The following PRR5 variants were observed in gnomAD, a reference collection of about 807,000 sequenced individuals.
The protein encoded by PRR5 is proline rich 5, also known as proline-rich protein 5.
A neutral mutation model predicts 30.6 loss-of-function variants in PRR5; 25 were observed. That is an observed-to-expected ratio of 0.82 (90% confidence interval 0.60 to 1.14). The LOEUF (loss-of-function observed/expected upper bound fraction) is 1.14. Ranked by LOEUF, PRR5 falls within the 50% of genes most tolerant of loss-of-function variation. The probability of loss-of-function intolerance (pLI) is 0.00; values close to 1 mark genes in which losing one functional copy is unlikely to be tolerated. For missense variants in PRR5, 600 were observed against 547.1 expected (o/e 1.10, Z -0.96); for synonymous variants, 286 against 247.1 (o/e 1.16, Z -1.48).
intron 1 of PRR5, among the ~76,000 whole-genome samples, chr22:44,690,544 G>A (rs1925146711): frequency 6.6e-6 from 1 of 152,118 alleles, no homozygotes; most frequent in Admixed American, 6.6e-5. Flanking sequence ...TTTAGAGCCT[G>A]TGGTTACCCA....
chr22:44,675,404 T>C (rs1252031381), upstream of PRR5, among the ~76,000 whole-genome samples: 1 of 152,212 alleles, frequency 6.6e-6, no homozygotes, highest in Non-Finnish European at 1.5e-5. Context: ...GTTCTGCTTT[T>C]TTCACTCGGT....
chr22:44,670,577 A>T (rs538914478), intron 1 of PRR5, among the ~76,000 whole-genome samples: 1 of 152,196 alleles, frequency 6.6e-6, no homozygotes, highest in Non-Finnish European at 1.5e-5. Flanking sequence ...CGGCCGTGAG[A>T]AGGGCTGGCA....
intron 1 of PRR5, 40 bp downstream of exon 1, chr22:44,702,648 C>G: frequency 7.9e-7 from 1 of 1,263,218 alleles, no homozygotes; most frequent in Non-Finnish European, 1.0e-6. Context: ...GGCCCTGGAG[C>G]CGGGGGAGGG....
chr22:44,690,419 G>A (rs999235578), intron 1 of PRR5, among the ~76,000 whole-genome samples: 1 of 152,202 alleles, frequency 6.6e-6, no homozygotes, highest in Non-Finnish European at 1.5e-5. Flanking sequence ...TCCATGGTGG[G>A]GTTGGGGGGA....
intron 1 of PRR5, among the ~76,000 whole-genome samples, chr22:44,713,964 C>G (rs1409738354): frequency 6.6e-6 from 1 of 152,208 alleles, no homozygotes; most frequent in African/African-American, 2.4e-5. Flanking sequence ...CCATCGCGCC[C>G]TGCTGATTTT....
chr22:44,722,062 G>T (rs573570585), intron 2 of PRR5, among the ~76,000 whole-genome samples: 49 of 152,228 alleles, frequency 3.2e-4, no homozygotes, highest in Non-Finnish European at 5.6e-4. Context: ...AGGTTGGGGG[G>T]ACTGCTGGGG....
At chr22:44,680,720 C>T (rs1262262729) in intron 1 of PRR5, among the ~76,000 whole-genome samples, 1 of 150,156 alleles carries the variant, frequency 6.7e-6, no homozygotes, top group Non-Finnish European at 1.5e-5. Flanking sequence ...GGACATCTGG[C>T]CTGAGACCCC....
chr22:44,732,131 G>A (rs767814750), intron 5 of PRR5, 120 bp from the exon 6 acceptor site: 201 of 1,485,146 alleles, frequency 1.4e-4, no homozygotes, highest in Non-Finnish European at 1.6e-4. Flanking sequence ...TGAGGAGAAC[G>A]GGGTGGAGGG....
intron 1 of PRR5, among the ~76,000 whole-genome samples, chr22:44,707,059 T>G (rs1259292376): frequency 6.6e-6 from 1 of 152,080 alleles, no homozygotes; most frequent in Non-Finnish European, 1.5e-5. Flanking sequence ...AGACACGAAG[T>G]CTGACCTGCC....
At chr22:44,699,015 C>A (rs534448311), upstream of PRR5, among the ~76,000 whole-genome samples, 1 of 152,322 alleles carries the variant, frequency 6.6e-6, no homozygotes, top group South Asian at 2.1e-4. Context: ...GCCCTCCTGG[C>A]GCTGGGCTGT....
intron 1 of PRR5, among the ~76,000 whole-genome samples, chr22:44,670,802 C>T (rs892424950): frequency 6.6e-6 from 1 of 152,140 alleles, no homozygotes; most frequent in African/African-American, 2.4e-5. Flanking sequence ...TGCTCACGCC[C>T]AGTAAGTCAG....
rs999382708 is a variant in PRR5 at position 44,702,596 on chromosome 22, C to T, written c.122C>T (p.Ala41Val). ...GTQQRRACANATWNSIHNGVI... is the reference protein window; with the variant it reads ...GTQQRRACANVTWNSIHNGVI... ...CAGCAGCGCCGGGCCTGCGCCAACG[C>T]CACCTGGAACAGGTAAGGCCGCGCC... is the stretch of plus-strand genomic sequence containing the variant. Residue 41 changes from alanine to valine, a missense_variant, in exon 1 of 8, where the codon GCC (alanine) becomes GTC (valine). Transcript: ENST00000336985. 13 of 1,370,844 alleles carry T rather than the reference C, an allele frequency of 9.5e-6. No individual in the cohort carries two copies. The highest frequency in any genetic ancestry group is 1.0e-5 in the Non-Finnish European group (11 of 1,060,254). The allele number at this position is 1,370,844 out of a possible 1,614,324, so 84.9% of individuals were successfully genotyped here.
intron 2 of PRR5, among the ~76,000 whole-genome samples, chr22:44,718,351 C>T (rs981469426): frequency 6.6e-6 from 1 of 151,862 alleles, no homozygotes; most frequent in East Asian, 1.9e-4. Flanking sequence ...TGCATGACCA[C>T]GCCTGGCTAA....
At chr22:44,671,520 G>T (rs928030312) in intron 1 of PRR5, among the ~76,000 whole-genome samples, 44 of 152,256 alleles carry the variant, frequency 2.9e-4, no homozygotes, top group African/African-American at 1.0e-3. Context: ...CTTGGCTGCA[G>T]ATCCTCAGAC....
At chr22:44,729,546 C>G in intron 4 of PRR5, 1 of 985,546 alleles carries the variant, frequency 1.0e-6, no homozygotes, top group Non-Finnish European at 1.2e-6. Context: ...AGCTTTCGAC[C>G]TGCCCACGTG....
chr22:44,692,009 C>G (rs897650954), intron 1 of PRR5, among the ~76,000 whole-genome samples: 1 of 152,088 alleles, frequency 6.6e-6, no homozygotes, highest in Non-Finnish European at 1.5e-5. Context: ...TTTCCTGCCT[C>G]CCTACCCTGC....
intron 1 of PRR5, among the ~76,000 whole-genome samples, chr22:44,710,040 C>G (rs775110108): frequency 2.6e-5 from 4 of 152,170 alleles, no homozygotes; most frequent in Non-Finnish European, 4.4e-5. Flanking sequence ...CCTCCCAACC[C>G]GGCCTCATGC....
intron 1 of PRR5, among the ~76,000 whole-genome samples, chr22:44,688,850 T>C (rs937154335): frequency 3.3e-5 from 5 of 152,056 alleles, no homozygotes; most frequent in Admixed American, 3.3e-4. Flanking sequence ...TAGCCGGGCA[T>C]GGTGGTGCAC....
intron 7 of PRR5, among the ~76,000 whole-genome samples, chr22:44,735,678 C>T (rs779332906): frequency 1.3e-5 from 2 of 152,162 alleles, no homozygotes; most frequent in Non-Finnish European, 2.9e-5. Context: ...TGCCCCATCC[C>T]GAGCCCACGC....
Sources: allele counts gnomAD v4.1 joint callset (sites outside exome capture counted in the v4.1 genomes callset), GRCh38; gene constraint gnomAD v4.1.1; transcripts MANE v1.5; gene names NCBI Gene and HGNC (gene_info 2026-07-23, HGNC 2026-07-21).